The following ENOX1 variants were observed in gnomAD, a reference collection of about 807,000 sequenced individuals.
The protein encoded by ENOX1 is ecto-NOX disulfide-thiol exchanger 1.
A neutral mutation model predicts 82.5 loss-of-function variants in ENOX1; 42 were observed. The ratio of observed to expected loss-of-function variants is 0.51; its 90% CI spans 0.40 to 0.66. ENOX1 has a LOEUF of 0.66. ENOX1 is among the 30% of genes least tolerant of loss of function. The pLI is 0.00. For missense variants in ENOX1, 608 were observed against 811.6 expected, an observed-to-expected ratio of 0.75 and a Z score of 3.05; for synonymous variants, 271 against 282.2, an observed-to-expected ratio of 0.96 and a Z score of 0.40.
At chr13:43,615,195 A>C (rs1472819753) in intron 2 of ENOX1, among the ~76,000 whole-genome samples, 5 of 152,208 alleles carry the variant, frequency 3.3e-5, no homozygotes, top group Non-Finnish European at 7.3e-5. Flanking sequence ...GAGCTTAAGG[A>C]ATCTTCAGCA....
intron 12 of ENOX1, among the ~76,000 whole-genome samples, chr13:43,286,241 C>T (rs1049235364): frequency 1.3e-5 from 2 of 152,112 alleles, no homozygotes; most frequent in African/African-American, 2.4e-5. Flanking sequence ...CAATGGTCAG[C>T]GTGGTAGGCC....
chr13:43,569,348 G>A, intron 2 of ENOX1, among the ~76,000 whole-genome samples: 1 of 152,140 alleles, frequency 6.6e-6, no homozygotes, highest in Non-Finnish European at 1.5e-5. Flanking sequence ...GTGAATGGAT[G>A]GTAGGTAGGT....
chr13:43,662,653 T>C (rs1378780792), intron 2 of ENOX1, among the ~76,000 whole-genome samples: 1 of 152,184 alleles, frequency 6.6e-6, no homozygotes, highest in African/African-American at 2.4e-5. Flanking sequence ...AATTAATCAA[T>C]CCCTCAGTTC....
chr13:43,328,226 T>C lies in ENOX1; in HGVS notation c.1037-1701A>G, dbSNP rs890838713. Among the ~76,000 whole-genome samples the C allele has an allele frequency of 1.3e-5, 2 of 152,190 alleles. 1 individual carries two copies. Among genetic ancestry groups the C allele is most frequent in the South Asian group, 4.1e-4 (2 of 4,832 alleles). ...AGCACAGCTGGCAGAGGAGAGAACCTGTTCCAGTGGATCACCGGGGCTTTC... is the reference window on the plus strand; with the variant it reads ...AGCACAGCTGGCAGAGGAGAGAACCCGTTCCAGTGGATCACCGGGGCTTTC... On this transcript the variant is annotated intron_variant, in intron 9 of 16. Coordinates refer to ENST00000690772, the MANE Select transcript of ENOX1 (RefSeq NM_001347969.2).
chr13:43,486,655 C>G (rs1057276007), intron 2 of ENOX1, among the ~76,000 whole-genome samples: 1 of 152,108 alleles, frequency 6.6e-6, no homozygotes, highest in Non-Finnish European at 1.5e-5. Flanking sequence ...GAAGGTGGTA[C>G]CAGTAGGTGT....
intron 3 of ENOX1, among the ~76,000 whole-genome samples, chr13:43,415,232 G>GTTTTTTTTTTGTTTTTTTTT (rs2054376530): frequency 1.8e-5 from 1 of 54,634 alleles, no homozygotes; most frequent in Admixed American, 3.1e-4. Flanking sequence ...CCAATCCAAT[G>GTTTTTTTTTTGTTTTTTTTT]TTTTTTTTTT....
At chr13:43,529,233 C>T (rs749116108) in intron 2 of ENOX1, among the ~76,000 whole-genome samples, 1 of 151,922 alleles carries the variant, frequency 6.6e-6, no homozygotes, top group African/African-American at 2.4e-5. Flanking sequence ...TCCTTTCGTC[C>T]AGAGGATCCT....
At chr13:43,580,014 C>G (rs1344635947) in intron 2 of ENOX1, among the ~76,000 whole-genome samples, 1 of 151,906 alleles carries the variant, frequency 6.6e-6, no homozygotes, top group East Asian at 1.9e-4. Context: ...GGGGTGCACC[C>G]ACATGCAAGC....
intron 2 of ENOX1, among the ~76,000 whole-genome samples, chr13:43,645,622 C>T (rs1177641671): frequency 2.0e-5 from 3 of 152,138 alleles, no homozygotes; most frequent in African/African-American, 7.2e-5. Context: ...AATTAATCAC[C>T]AATTCATTGG....
chr13:43,521,710 T>C (rs371437432), intron 2 of ENOX1, among the ~76,000 whole-genome samples: 32 of 152,270 alleles, frequency 2.1e-4, no homozygotes, highest in African/African-American at 7.5e-4. Flanking sequence ...ACTGAAAATA[T>C]AAATGTTCTA....
chr13:43,677,658 C>T (rs994302145), intron 1 of ENOX1, among the ~76,000 whole-genome samples: 1 of 152,170 alleles, frequency 6.6e-6, no homozygotes, highest in Non-Finnish European at 1.5e-5. Context: ...CAATTTCACA[C>T]TATAACTTTC....
chr13:43,493,617 C>T (rs2076696019), intron 2 of ENOX1, among the ~76,000 whole-genome samples: 1 of 152,154 alleles, frequency 6.6e-6, no homozygotes, highest in Non-Finnish European at 1.5e-5. Context: ...GCAGATCTTC[C>T]CCATTCAGTC....
intron 1 of ENOX1, among the ~76,000 whole-genome samples, chr13:43,672,390 A>G (rs1380334347): frequency 6.6e-6 from 1 of 152,162 alleles, no homozygotes; most frequent in Non-Finnish European, 1.5e-5. Flanking sequence ...AACCAATCCT[A>G]TTTCTCCACA....
chr13:43,593,185 C>T (rs1322415981), intron 2 of ENOX1, among the ~76,000 whole-genome samples: 2 of 152,132 alleles, frequency 1.3e-5, no homozygotes, highest in East Asian at 1.9e-4. Context: ...ATCTGTTTAC[C>T]TTCCTACAGG....
At chr13:43,595,522 T>A (rs1270723838) in intron 2 of ENOX1, among the ~76,000 whole-genome samples, 1 of 152,198 alleles carries the variant, frequency 6.6e-6, no homozygotes, top group Admixed American at 6.5e-5. Context: ...AATTGAACAT[T>A]AAAATTTTTC....
chr13:43,572,873 C>A (rs1176962343), intron 2 of ENOX1, among the ~76,000 whole-genome samples: 1 of 152,190 alleles, frequency 6.6e-6, no homozygotes, highest in African/African-American at 2.4e-5. Flanking sequence ...CCAGTTCTTG[C>A]CATTTTCACA....
At chr13:43,755,535 T>C (rs1594702056) in intron 1 of ENOX1, among the ~76,000 whole-genome samples, 1 of 152,138 alleles carries the variant, frequency 6.6e-6, no homozygotes, top group East Asian at 1.9e-4. Context: ...TTCTTTCCTA[T>C]AAAAAATCTT....
At chr13:43,637,249 G>A (rs1594208217) in intron 2 of ENOX1, among the ~76,000 whole-genome samples, 1 of 152,154 alleles carries the variant, frequency 6.6e-6, no homozygotes, top group African/African-American at 2.4e-5. Context: ...CTTAGATTTA[G>A]TCAGAATCAA....
At chr13:43,365,529 G>A (rs1314243100) in intron 5 of ENOX1, among the ~76,000 whole-genome samples, 1 of 152,126 alleles carries the variant, frequency 6.6e-6, no homozygotes, top group East Asian at 1.9e-4. Context: ...CTGTCTACAG[G>A]TCACAGGGCC....
Sources: gnomAD v4.1 joint callset for allele counts (sites outside exome capture counted in the v4.1 genomes callset) on GRCh38, gnomAD v4.1.1 for gene constraint, MANE v1.5 for transcripts, NCBI Gene and HGNC (gene_info 2026-07-23, HGNC 2026-07-21) for gene names.